KDM1B: variants seen among roughly 807,000 people sequenced by gnomAD.
KDM1B encodes the protein lysine-specific histone demethylase 2.
A neutral mutation model predicts 107.4 loss-of-function variants in KDM1B; 63 were observed. The ratio of observed to expected loss-of-function variants is 0.59; its 90% CI spans 0.48 to 0.72. The LOEUF is 0.72. Ranked by LOEUF, KDM1B falls within the 30% of genes least tolerant of loss-of-function variation. KDM1B has a pLI of 0.00. For synonymous variants in KDM1B, 363 were observed against 363.9 expected, an observed-to-expected ratio of 1.00 and a Z score of 0.03; for missense variants, 749 against 1,020.8, an observed-to-expected ratio of 0.73 and a Z score of 3.63.
At chr6:18,176,615 T>C (rs1786027267) in intron 7 of KDM1B, among the ~76,000 whole-genome samples, 1 of 152,182 alleles carries the variant, frequency 6.6e-6, no homozygotes, top group Non-Finnish European at 1.5e-5. Flanking sequence ...TTTTATTACA[T>C]TGAGGTATGT....
At chr6:18,195,227 A>G (rs1169194668) in intron 10 of KDM1B, among the ~76,000 whole-genome samples, 1 of 152,130 alleles carries the variant, frequency 6.6e-6, no homozygotes, top group Non-Finnish European at 1.5e-5. Flanking sequence ...CCCTATTTGA[A>G]TACTGCTGCT....
rs2150771654 is a variant in KDM1B, at chr6:18,162,912, A to G, written c.293A>G (p.His98Arg). 1.2e-6 allele frequency: 2 copies of G among 1,604,160 alleles called. No individual in the cohort carries two copies. Among genetic ancestry groups the G allele is most frequent in the African/African-American group, 1.3e-5 (1 of 74,822 alleles). Residue 98 changes from histidine to arginine, a missense_variant, in exon 5 of 22, where the codon CAT (histidine) becomes CGT (arginine). His to Arg is a conservative substitution (Grantham distance 29, BLOSUM62 0). Coordinates refer to ENST00000650836, the MANE Select transcript of KDM1B (RefSeq NM_001364614.2). This position sits in a 1 kb window ranked among gnomAD's most constrained non-coding sequence, Gnocchi z 4.1. Reference protein sequence around the residue: ...GEHFCNECFDHYYRSHKDGYD... With the variant: ...GEHFCNECFDRYYRSHKDGYD... Reference sequence around the variant, plus strand: ...CATTTCTGTAATGAATGCTTTGACCATTACTACAGAAGGTATGTTCACTAA... The same window carrying G: ...CATTTCTGTAATGAATGCTTTGACCGTTACTACAGAAGGTATGTTCACTAA...
At position 18,214,860 on chromosome 6, in the gene KDM1B, A is replaced by G; in HGVS notation, c.2110-147A>G. ...GGGAGGCAGAGGTTGCAGTGAGCCA[A>G]GATTGCACCATTGCACTCCAGCCTG... On this transcript the variant is annotated intron_variant, in intron 19 of 21. Transcript: ENST00000650836. This position sits in a 1 kb window ranked among gnomAD's most constrained non-coding sequence, Gnocchi z 4.4. 1.5e-6 allele frequency: 1 copy of G among 659,392 alleles called. No individual in the cohort carries two copies. The highest frequency in any genetic ancestry group is 2.4e-6 in the Non-Finnish European group (1 of 413,660). The allele number at this position is 659,392 out of a possible 1,614,324, so 40.8% of individuals were successfully genotyped here. A position where few individuals can be genotyped will look rare whatever the true frequency, so the allele number is the denominator to read the frequency against.
chr6:18,162,837 G>A lies in KDM1B; in HGVS notation c.218G>A (p.Cys73Tyr). The A allele has an allele frequency of 6.3e-7, 1 of 1,583,530 alleles. No individual in the cohort carries two copies. Among genetic ancestry groups the A allele is most frequent in the Non-Finnish European group, 8.7e-7 (1 of 1,152,268 alleles). Residue 73 changes from cysteine to tyrosine, a missense_variant and splice_region_variant, in exon 5 of 22, where the codon TGT (cysteine) becomes TAT (tyrosine). Transcript: ENST00000650836. This position sits in a 1 kb window ranked among gnomAD's most constrained non-coding sequence, Gnocchi z 4.1. ...TATATGTTTTTCACTATTTTCAGAT[G>A]TGCCAAAAATGGCTACACCTCCCGA... ...PVCFASASERCAKNGYTSRWY... is the reference protein window; with the variant it reads ...PVCFASASERYAKNGYTSRWY...
In KDM1B at chr6:18,185,811, G is replaced by C; in HGVS notation, c.573+1G>C. On this transcript the variant is annotated splice_donor_variant, in intron 8 of 21. Coordinates refer to ENST00000650836, the MANE Select transcript of KDM1B (RefSeq NM_001364614.2). LOFTEE classifies it high-confidence loss of function. ...TCATTGTTCCCTCCCAGAGGATCTA[G>C]TGAGTATTTCCGGATGGTGTGGATT... is the stretch of plus-strand genomic sequence containing the variant. 1 of 1,613,880 alleles carries C rather than the reference G, an allele frequency of 6.2e-7. No homozygotes were observed. The highest frequency in any genetic ancestry group is 8.5e-7 in the Non-Finnish European group (1 of 1,179,786).
Position 18,201,713 on chromosome 6 carries a change from T to G in KDM1B, c.1531+56T>G. ...ATCTCAGTTTCGTTGTTACCTAAGC[T>G]TCATCAGCAGTGGCATTGTTCATTT... On this transcript the variant is annotated intron_variant, in intron 14 of 21. Coordinates refer to ENST00000650836, the MANE Select transcript of KDM1B (RefSeq NM_001364614.2). This position sits in a 1 kb window ranked among gnomAD's most constrained non-coding sequence, Gnocchi z 4.3. 2 of 1,423,288 alleles carry G rather than the reference T, an allele frequency of 1.4e-6. No homozygotes were observed. Among genetic ancestry groups the G allele is most frequent in the Non-Finnish European group, 1.9e-6 (2 of 1,054,444 alleles). 88.2% of individuals were successfully genotyped at this position (1,423,288 alleles called of 1,614,324 possible). A position where few individuals can be genotyped will look rare whatever the true frequency, so the allele number is the denominator to read the frequency against.
chr6:18,195,863 T>C (rs1454281437), intron 10 of KDM1B, among the ~76,000 whole-genome samples: 1 of 152,210 alleles, frequency 6.6e-6, no homozygotes, highest in Non-Finnish European at 1.5e-5. Flanking sequence ...CTCCATGATA[T>C]TCAAGTATAT....
chr6:18,197,554 T>C lies in KDM1B; in HGVS notation c.1147-33T>C. 3 of 1,550,284 alleles carry C rather than the reference T, an allele frequency of 1.9e-6. No individual in the cohort carries two copies. The highest frequency in any genetic ancestry group is 2.7e-6 in the Non-Finnish European group (3 of 1,123,076). ...AAAACAGGACGTTGTTATCATCTGC[T>C]CTAATTGGACTTTTGTTTCTTTTCT... On this transcript the variant is annotated intron_variant, in intron 11 of 21. Coordinates refer to ENST00000650836, the MANE Select transcript of KDM1B (RefSeq NM_001364614.2). This position sits in a 1 kb window ranked among gnomAD's most constrained non-coding sequence, Gnocchi z 4.5.
Position 18,161,384 on chromosome 6 carries a change from A to AAGTAC in KDM1B, c.148_152dup (p.Arg51SerfsTer115). 1 of 1,614,000 alleles carries AAGTAC rather than the reference A, an allele frequency of 6.2e-7. No homozygotes were observed. The highest frequency in any genetic ancestry group is 8.5e-7 in the Non-Finnish European group (1 of 1,179,952). On this transcript the variant is annotated frameshift_variant, in exon 4 of 22. Transcript: ENST00000650836. LOFTEE classifies it high-confidence loss of function. The stretch of plus-strand genomic sequence containing the variant: ...GGATGAAGATGGTGGCTCAGAGAAG[A>AAGTAC]AGTACAGGAAATGTGAAAAGGCAGG...
In KDM1B at chr6:18,208,129, C is replaced by T; in HGVS notation, c.1792-3C>T. 3 of 1,609,982 alleles carry T rather than the reference C, an allele frequency of 1.9e-6. No homozygotes were observed. The highest frequency in any genetic ancestry group is 2.5e-6 in the Non-Finnish European group (3 of 1,176,738). ...CTTTTTTTCATAATTGCTTTTTGAG[C>T]AGGTGCAGTGTATTGATTATTCTGG... On this transcript the variant is annotated splice_region_variant and splice_polypyrimidine_tract_variant and intron_variant, in intron 16 of 21. Coordinates refer to ENST00000650836, the MANE Select transcript of KDM1B (RefSeq NM_001364614.2).
chr6:18,184,338 G>T (rs888048549), intron 7 of KDM1B, among the ~76,000 whole-genome samples: 7 of 142,212 alleles, frequency 4.9e-5, no homozygotes, highest in African/African-American at 1.3e-4. Context: ...TCAGTGTTGC[G>T]ATCTTGGCTC....
Position 18,197,375 on chromosome 6 carries a change from G to T in KDM1B, c.1146+142G>T. The T allele has an allele frequency of 5.6e-6, 5 of 896,190 alleles. No individual in the cohort carries two copies. The highest frequency in any genetic ancestry group is 2.7e-5 in the Admixed American group (1 of 37,312). The allele number at this position is 896,190 out of a possible 1,614,324, so 55.5% of individuals were successfully genotyped here. ...GGCTTTCGCAGAATGTGTTTCTCCT[G>T]AAAGGAGAATATCAAGCACTCTTTC... On this transcript the variant is annotated intron_variant, in intron 11 of 21. Coordinates refer to ENST00000650836, the MANE Select transcript of KDM1B (RefSeq NM_001364614.2). The surrounding 1 kb of genome is among the most constrained non-coding windows in gnomAD (Gnocchi z 4.5).
At chr6:18,184,912 T>G (rs1786748559) in intron 7 of KDM1B, among the ~76,000 whole-genome samples, 1 of 151,758 alleles carries the variant, frequency 6.6e-6, no homozygotes, top group African/African-American at 2.4e-5. Flanking sequence ...ATTTTTGCAA[T>G]TTTTGTAGAG....
chr6:18,188,027 T>G (rs1413403101), intron 9 of KDM1B, 25 bp downstream of exon 9: 2 of 1,536,082 alleles, frequency 1.3e-6, no homozygotes, highest in Admixed American at 3.9e-5. Flanking sequence ...TGGGACTCCC[T>G]GCTTTCTATT....
At chr6:18,206,217 G>A (rs561845918) in intron 15 of KDM1B, among the ~76,000 whole-genome samples, 10 of 149,774 alleles carry the variant, frequency 6.7e-5, no homozygotes, top group East Asian at 6.0e-4. Context: ...AGCTCAATAC[G>A]TAAAAACAAA....
At chr6:18,161,606 C>T in intron 4 of KDM1B, 152 bp downstream of exon 4, 1 of 809,236 alleles carries the variant, frequency 1.2e-6, no homozygotes, top group African/African-American at 1.7e-5. Context: ...ACATTCTGTA[C>T]ACACCACACC....
Position 18,223,247 on chromosome 6 carries a change from T to C in KDM1B, c.*1255T>C, listed in dbSNP as rs1202244863. 1.3e-5 allele frequency: 2 copies of C among 152,478 alleles called. No individual in the cohort carries two copies. The highest frequency in any genetic ancestry group is 1.9e-4 in the East Asian group (1 of 5,198). The allele number at this position is 152,478 out of a possible 1,614,324, so 9.4% of individuals were successfully genotyped here. A position where few individuals can be genotyped will look rare whatever the true frequency, so the allele number is the denominator to read the frequency against. On this transcript the variant is annotated 3_prime_UTR_variant, in exon 22 of 22. Coordinates refer to ENST00000650836, the MANE Select transcript of KDM1B (RefSeq NM_001364614.2). ...TTCAAAATATTGAGTATTTTAAAAA[T>C]TTAAAAGTAGGTCAGTTTATAACGA...
At chr6:18,202,235 CA>C (rs546300753) in intron 14 of KDM1B, among the ~76,000 whole-genome samples, 3 of 143,168 alleles carry the variant, frequency 2.1e-5, no homozygotes, top group East Asian at 4.0e-4. Flanking sequence ...CTTGTGTCTA[CA>C]AAAAAAAAGG....
In KDM1B at chr6:18,201,130, AGTG is replaced by A. The variant is rs972921514; in HGVS notation, c.1360-355_1360-353del. Among the ~76,000 whole-genome samples, 1 of 152,010 alleles carries A rather than the reference AGTG, an allele frequency of 6.6e-6. No homozygotes were observed. Among genetic ancestry groups the A allele is most frequent in the Non-Finnish European group, 1.5e-5 (1 of 68,014 alleles). ...CAATTCAATTTCAACTTCTGCTATG[AGTG>A]TTTGTGTGTTTGTGTGTTCATTTAC... On this transcript the variant is annotated intron_variant, in intron 13 of 21. Coordinates refer to ENST00000650836, the MANE Select transcript of KDM1B (RefSeq NM_001364614.2). The surrounding 1 kb of genome is among the most constrained non-coding windows in gnomAD (Gnocchi z 4.3).
Sources: gnomAD v4.1 joint callset for allele counts (sites outside exome capture counted in the v4.1 genomes callset) on GRCh38, gnomAD v4.1.1 for gene constraint, Gnocchi (gnomAD v3.1) non-coding constraint, MANE v1.5 for transcripts, NCBI Gene and HGNC (gene_info 2026-07-23, HGNC 2026-07-21) for gene names.